Variants in SNTG2 observed in about 807,000 individuals in gnomAD.
SNTG2 encodes syntrophin gamma 2.
A neutral mutation model predicts 70.9 loss-of-function variants in SNTG2; 74 were observed. The observed-to-expected ratio is 1.04, with a 90% CI of 0.86 to 1.27. The LOEUF is 1.27. Ranked by LOEUF, SNTG2 falls within the 50% of genes most tolerant of loss-of-function variation. SNTG2 has a pLI of 0.00. For missense variants in SNTG2, 717 were observed against 690.7 expected (o/e 1.04, Z -0.43); for synonymous variants, 278 against 273.8 (o/e 1.02, Z -0.15).
intron 1 of SNTG2, among the ~76,000 whole-genome samples, chr2:1,079,435 C>G (rs768772791): frequency 6.6e-6 from 1 of 151,938 alleles, no homozygotes. Flanking sequence ...GCCTAATTAC[C>G]TCTAATCTGG....
chr2:967,633 A>G (rs1660610724), intron 1 of SNTG2, among the ~76,000 whole-genome samples: 1 of 152,170 alleles, frequency 6.6e-6, no homozygotes, highest in Non-Finnish European at 1.5e-5. Context: ...ATTTGCTTCT[A>G]CATTCACGTT....
At chr2:1,190,288 A>T (rs1030218265) in intron 8 of SNTG2, among the ~76,000 whole-genome samples, 12 of 152,016 alleles carry the variant, frequency 7.9e-5, no homozygotes, top group South Asian at 2.1e-4. Context: ...GTTCTCCCAT[A>T]TACTTTTAAT....
chr2:993,070 C>CTTTTTTTT (rs59134628), intron 1 of SNTG2, among the ~76,000 whole-genome samples: 2 of 140,496 alleles, frequency 1.4e-5, no homozygotes, highest in Non-Finnish European at 3.1e-5. Flanking sequence ...TTTGTGGGTT[C>CTTTTTTTT]TTTTTTTTTT....
At chr2:1,317,350 A>G (rs1332962416) in intron 16 of SNTG2, among the ~76,000 whole-genome samples, 1 of 103,430 alleles carries the variant, frequency 9.7e-6, no homozygotes, top group Non-Finnish European at 2.1e-5. Flanking sequence ...ATTCTGGAAC[A>G]TTTAGCATGA....
intron 16 of SNTG2, among the ~76,000 whole-genome samples, chr2:1,330,396 A>G (rs910841112): frequency 6.6e-6 from 1 of 152,192 alleles, no homozygotes; most frequent in Non-Finnish European, 1.5e-5. Context: ...CTGCCTAGCT[A>G]ATTCCCTAGA....
In SNTG2 at chr2:1,080,842, A is replaced by G. The variant is rs532696273; in HGVS notation, c.73-2676A>G. Among the ~76,000 whole-genome samples the G allele has an allele frequency of 2.6e-5, 4 of 152,272 alleles. No individual in the cohort carries two copies. In the South Asian group the frequency reaches 8.3e-4, roughly 32 times the overall value. The stretch of plus-strand genomic sequence containing the variant: ...GTGGCATGAGAAAGGTCTGGATGCT[A>G]TAAAAGCAGCAGGTGTTTGTGTTTT... On this transcript the variant is annotated intron_variant, in intron 1 of 16. Transcript: ENST00000308624.
chr2:981,503 CA>C (rs1379571161), intron 1 of SNTG2, among the ~76,000 whole-genome samples: 1 of 151,994 alleles, frequency 6.6e-6, no homozygotes, highest in Non-Finnish European at 1.5e-5. Context: ...ATGTGTCCTA[CA>C]CATGCAAGCA....
At position 1,156,788 on chromosome 2, in the gene SNTG2, C is replaced by T. The variant is rs527618806; in HGVS notation, c.412-8760C>T. ...GACGTGGGTGGCTGAGCCCTGCCTG[C>T]GTGGGGGTAGGAAATGAACGGGCCT... is the stretch of plus-strand genomic sequence containing the variant. On this transcript the variant is annotated intron_variant, in intron 6 of 16. Transcript: ENST00000308624. 1.2e-3 allele frequency among the ~76,000 whole-genome samples: 185 copies of T among 152,028 alleles called. 1 individual carries two copies. The highest frequency in any genetic ancestry group is 4.3e-3 in the African/African-American group (178 of 41,454).
At chr2:975,075 G>C (rs944492735) in intron 1 of SNTG2, among the ~76,000 whole-genome samples, 1 of 151,910 alleles carries the variant, frequency 6.6e-6, no homozygotes, top group African/African-American at 2.4e-5. Flanking sequence ...AACAACATGC[G>C]CTTGCACCCA....
intron 1 of SNTG2, among the ~76,000 whole-genome samples, chr2:1,016,183 T>A (rs1659885434): frequency 6.6e-6 from 1 of 151,768 alleles, no homozygotes; most frequent in Admixed American, 6.6e-5. Flanking sequence ...AAAAAAAAAG[T>A]GTATAACTGT....
chr2:1,118,638 A>G (rs1667188302), intron 4 of SNTG2, among the ~76,000 whole-genome samples: 1 of 150,820 alleles, frequency 6.6e-6, no homozygotes, highest in East Asian at 2.0e-4. Flanking sequence ...AGAGGACTTC[A>G]ATAGCAGACC....
intron 4 of SNTG2, among the ~76,000 whole-genome samples, chr2:1,128,179 TC>T (rs1667812410): frequency 6.7e-6 from 1 of 149,948 alleles, no homozygotes; most frequent in Non-Finnish European, 1.5e-5. Flanking sequence ...GCTTTTTTTT[TC>T]TGAATCTATT....
intron 4 of SNTG2, among the ~76,000 whole-genome samples, chr2:1,099,629 C>T (rs76306355): frequency 0.12 from 1,295 of 11,182 alleles, 45 homozygotes; most frequent in African/African-American, 0.23. Flanking sequence ...AAGGTGGGTG[C>T]AGTGAGGGCA....
chr2:960,676 T>C (rs1660318796), intron 1 of SNTG2, among the ~76,000 whole-genome samples: 1 of 144,176 alleles, frequency 6.9e-6, no homozygotes, highest in African/African-American at 2.7e-5. Flanking sequence ...TGCCTGCTCA[T>C]GGGAGCATGG....
At chr2:1,189,391 T>C (rs541961093) in intron 8 of SNTG2, among the ~76,000 whole-genome samples, 1 of 152,234 alleles carries the variant, frequency 6.6e-6, no homozygotes, top group South Asian at 2.1e-4. Flanking sequence ...CTCAACATAT[T>C]TGTAAGAGCA....
At chr2:1,198,908 A>C (rs1673104954) in intron 8 of SNTG2, among the ~76,000 whole-genome samples, 2 of 152,118 alleles carry the variant, frequency 1.3e-5, no homozygotes, top group Non-Finnish European at 2.9e-5. Flanking sequence ...CCCAACAAAG[A>C]AAGCCCAGGA....
intron 15 of SNTG2, among the ~76,000 whole-genome samples, chr2:1,308,807 C>T (rs547097776): frequency 2.7e-4 from 41 of 152,242 alleles, no homozygotes; most frequent in African/African-American, 9.4e-4. Context: ...ACAGCAGGGT[C>T]AGGTGGGTGG....
intron 6 of SNTG2, among the ~76,000 whole-genome samples, chr2:1,159,780 T>C (rs932442426): frequency 6.6e-6 from 1 of 152,108 alleles, no homozygotes; most frequent in Non-Finnish European, 1.5e-5. Context: ...GAGAAAATAA[T>C]ACTAAAACTC....
chr2:1,082,497 T>C (rs912221966), intron 1 of SNTG2, among the ~76,000 whole-genome samples: 1 of 152,182 alleles, frequency 6.6e-6, no homozygotes, highest in Non-Finnish European at 1.5e-5. Context: ...TCTGCCCTCA[T>C]GTATGGCTCT....
Sources: allele counts gnomAD v4.1 joint callset (sites outside exome capture counted in the v4.1 genomes callset), GRCh38; gene constraint gnomAD v4.1.1; transcripts MANE v1.5; gene names NCBI Gene and HGNC (gene_info 2026-07-23, HGNC 2026-07-21).